Variants in CAMTA1 observed in about 807,000 individuals in gnomAD.
CAMTA1 encodes calmodulin-binding transcription activator 1.
A neutral mutation model predicts 170.9 loss-of-function variants in CAMTA1; 27 were observed. The ratio of observed to expected loss-of-function variants is 0.16; its 90% CI spans 0.12 to 0.22. The LOEUF (loss-of-function observed/expected upper bound fraction) is 0.22. CAMTA1 is among the 10% of genes least tolerant of loss of function. CAMTA1 has a pLI of 1.00. For synonymous variants in CAMTA1, 833 were observed against 891.5 expected (o/e 0.93, Z 1.17); for missense variants, 1,619 against 2,217.2 (o/e 0.73, Z 5.42).
At chr1:6,807,719 C>T (rs958325652) in intron 1 of CAMTA1, among the ~76,000 whole-genome samples, 3 of 104,784 alleles carry the variant, frequency 2.9e-5, no homozygotes, top group African/African-American at 1.0e-4. Context: ...GACTTCATCT[C>T]AAAAAAAAAA....
intron 5 of CAMTA1, among the ~76,000 whole-genome samples, chr1:7,417,207 A>G (rs2091242546): frequency 6.6e-6 from 1 of 152,264 alleles, no homozygotes; most frequent in South Asian, 2.1e-4. Context: ...CCTCCCAGTT[A>G]GGCTGCTCAG....
intron 22 of CAMTA1, among the ~76,000 whole-genome samples, chr1:7,762,522 A>G (rs2150305086): frequency 6.6e-6 from 1 of 152,344 alleles, no homozygotes; most frequent in African/African-American, 2.4e-5. Flanking sequence ...TATCCAGTTG[A>G]CATTTGATTT....
chr1:6,823,776 C>G (rs1044974595), intron 2 of CAMTA1, among the ~76,000 whole-genome samples: 1 of 152,030 alleles, frequency 6.6e-6, no homozygotes, highest in African/African-American at 2.4e-5. Flanking sequence ...CTGTACTGAA[C>G]AAAGCCGTAG....
chr1:7,340,668 G>T (rs2083757788), intron 5 of CAMTA1, among the ~76,000 whole-genome samples: 1 of 149,640 alleles, frequency 6.7e-6, no homozygotes, highest in African/African-American at 2.5e-5. Flanking sequence ...ATCTATTCAT[G>T]CATTCTTTGC....
chr1:7,739,265 T>C (rs957233253), intron 16 of CAMTA1, among the ~76,000 whole-genome samples: 2 of 152,162 alleles, frequency 1.3e-5, no homozygotes, highest in East Asian at 1.9e-4. Flanking sequence ...GTAGAAGTGA[T>C]ACAAGGAGAG....
intron 6 of CAMTA1, among the ~76,000 whole-genome samples, chr1:7,583,331 C>G (rs72867128): frequency 0.043 from 6,503 of 152,126 alleles, 472 homozygotes; most frequent in African/African-American, 0.15. Flanking sequence ...GCCCCCTACA[C>G]GATGGGAAGT....
Position 7,065,905 on chromosome 1 carries a change from C to T in CAMTA1, c.235-25399C>T, listed in dbSNP as rs983738151. The stretch of plus-strand genomic sequence containing the variant: ...AGACTGGGTGTGAAATGGAGAAGAA[C>T]GCAGCACTGGCTTAAACTTGACTGT... On this transcript the variant is annotated intron_variant, in intron 3 of 22. Transcript: ENST00000303635. The surrounding 1 kb of genome is among the most constrained non-coding windows in gnomAD (Gnocchi z 5.2). Among the ~76,000 whole-genome samples the T allele has an allele frequency of 2.0e-5, 3 of 152,082 alleles. No individual in the cohort carries two copies. The highest frequency in any genetic ancestry group is 2.1e-4 in the South Asian group (1 of 4,824).
chr1:6,940,929 A>AGGGGG (rs1491340105), intron 3 of CAMTA1, among the ~76,000 whole-genome samples: 4 of 7,300 alleles, frequency 5.5e-4, no homozygotes, highest in African/African-American at 8.0e-4. Flanking sequence ...CCTCACAGGG[A>AGGGGG]AAGGGGATCC....
intron 4 of CAMTA1, among the ~76,000 whole-genome samples, chr1:7,179,726 A>G (rs1651707325): frequency 6.6e-6 from 1 of 152,230 alleles, no homozygotes; most frequent in Non-Finnish European, 1.5e-5. Flanking sequence ...TATGAGATAT[A>G]TTTAAAGCAG....
intron 6 of CAMTA1, among the ~76,000 whole-genome samples, chr1:7,503,018 C>G (rs146445877): frequency 6.6e-6 from 1 of 152,252 alleles, no homozygotes; most frequent in Non-Finnish European, 1.5e-5. Context: ...GCTCTCTACT[C>G]TCCCCTCTTA....
intron 4 of CAMTA1, among the ~76,000 whole-genome samples, chr1:7,112,011 A>G (rs527916544): frequency 6.6e-6 from 1 of 151,816 alleles, no homozygotes; most frequent in East Asian, 1.9e-4. Flanking sequence ...CACCGTCACT[A>G]TGGCTGTCAC....
chr1:7,040,150 G>C (rs971711724), intron 3 of CAMTA1, among the ~76,000 whole-genome samples: 2 of 149,906 alleles, frequency 1.3e-5, no homozygotes, highest in African/African-American at 4.9e-5. Flanking sequence ...TTTTAGACAC[G>C]CTAACTGTGA....
chr1:6,862,339 T>G (rs1295955774), intron 3 of CAMTA1, among the ~76,000 whole-genome samples: 1 of 152,214 alleles, frequency 6.6e-6, no homozygotes, highest in South Asian at 2.1e-4. Flanking sequence ...TTCGTCCATG[T>G]TGGAGCATGT....
intron 18 of CAMTA1, 54 bp from the exon 19 acceptor site, chr1:7,747,656 C>A: frequency 7.8e-7 from 1 of 1,281,770 alleles, no homozygotes; most frequent in Non-Finnish European, 1.1e-6. Context: ...AAAAAGCTGA[C>A]ATTTCTGGTA....
chr1:6,813,001 T>C (rs556140089), intron 1 of CAMTA1, among the ~76,000 whole-genome samples: 3 of 152,294 alleles, frequency 2.0e-5, no homozygotes, highest in South Asian at 4.1e-4. Context: ...GCCCCAGGAG[T>C]AGGAAGTCGG....
chr1:6,882,208 C>T (rs1291091410), intron 3 of CAMTA1, among the ~76,000 whole-genome samples: 1 of 152,146 alleles, frequency 6.6e-6, no homozygotes, highest in Non-Finnish European at 1.5e-5. Context: ...TCTATTGAAA[C>T]AGAGCCACAC....
Position 7,249,361 on chromosome 1 carries a change from G to T in CAMTA1, c.303-130G>T. The T allele has an allele frequency of 1.0e-6, 1 of 989,420 alleles. No homozygotes were observed. Among genetic ancestry groups the T allele is most frequent in the Non-Finnish European group, 1.5e-6 (1 of 678,304 alleles). The allele number at this position is 989,420 out of a possible 1,614,324, so 61.3% of individuals were successfully genotyped here. A position where few individuals can be genotyped will look rare whatever the true frequency, so the allele number is the denominator to read the frequency against. Reference sequence around the variant, plus strand: ...AATCCAGGGAGATGCAATAAAAGGTGAAAAATTATGTTCCAGCAAATGTGG... The same window carrying T: ...AATCCAGGGAGATGCAATAAAAGGTTAAAAATTATGTTCCAGCAAATGTGG... On this transcript the variant is annotated intron_variant, in intron 4 of 22. Transcript: ENST00000303635. The surrounding 1 kb of genome is among the most constrained non-coding windows in gnomAD (Gnocchi z 4.4).
intron 6 of CAMTA1, among the ~76,000 whole-genome samples, chr1:7,480,874 G>A (rs113491064): frequency 8.6e-5 from 13 of 152,028 alleles, no homozygotes; most frequent in Middle Eastern, 3.2e-3. Flanking sequence ...ATTTTTACCC[G>A]ACTCAACATC....
intron 2 of CAMTA1, 136 bp from the exon 3 acceptor site, chr1:6,824,956 A>C: frequency 1.9e-6 from 1 of 524,458 alleles, no homozygotes; most frequent in Non-Finnish European, 3.4e-6. Context: ...ATTATTAACT[A>C]AGAGGAATAG....
Sources: gnomAD v4.1 joint callset for allele counts (sites outside exome capture counted in the v4.1 genomes callset) on GRCh38, gnomAD v4.1.1 for gene constraint, Gnocchi (gnomAD v3.1) non-coding constraint, MANE v1.5 for transcripts, NCBI Gene and HGNC (gene_info 2026-07-23, HGNC 2026-07-21) for gene names.